MACROD2: variants seen among roughly 807,000 people sequenced by gnomAD.
MACROD2 encodes ADP-ribose glycohydrolase MACROD2.
MACROD2 carries 36 observed loss-of-function variants against 70.4 expected under a neutral mutation model. The ratio of observed to expected loss-of-function variants is 0.51; its 90% CI spans 0.39 to 0.68. The LOEUF is 0.68. Among genes scored for constraint, MACROD2 ranks in the 30% least tolerant of loss-of-function variants. The pLI is 0.00. For synonymous variants in MACROD2, 172 were observed against 178.8 expected (o/e 0.96, Z 0.30); for missense variants, 496 against 538.4 (o/e 0.92, Z 0.78).
chr20:15,675,458 A>G (rs1267580517), intron 8 of MACROD2, among the ~76,000 whole-genome samples: 1 of 152,218 alleles, frequency 6.6e-6, no homozygotes, highest in Non-Finnish European at 1.5e-5. Flanking sequence ...TATCTGTGAC[A>G]CTAGAAAGCC....
At chr20:15,065,348 T>C (rs1446179346) in intron 5 of MACROD2, among the ~76,000 whole-genome samples, 1 of 152,140 alleles carries the variant, frequency 6.6e-6, no homozygotes, top group Non-Finnish European at 1.5e-5. Flanking sequence ...ATGATTTTCT[T>C]TGGTAGTGTT....
chr20:16,033,058 C>T (rs1173169923), intron 15 of MACROD2, among the ~76,000 whole-genome samples: 1 of 151,974 alleles, frequency 6.6e-6, no homozygotes, highest in Non-Finnish European at 1.5e-5. Flanking sequence ...ATTAAAACAG[C>T]CCATTTCCAA....
At chr20:14,574,910 C>T (rs1272102115) in intron 4 of MACROD2, among the ~76,000 whole-genome samples, 1 of 145,464 alleles carries the variant, frequency 6.9e-6, no homozygotes, top group East Asian at 2.0e-4. Context: ...ACTGGGGAGG[C>T]TGAGGCAGGA....
At chr20:14,570,229 T>C (rs1380724614) in intron 4 of MACROD2, among the ~76,000 whole-genome samples, 1 of 151,974 alleles carries the variant, frequency 6.6e-6, no homozygotes, top group East Asian at 1.9e-4. Flanking sequence ...CAATGTTGAG[T>C]GAAAGAAACC....
chr20:15,624,746 T>C (rs2049178313), intron 8 of MACROD2, among the ~76,000 whole-genome samples: 1 of 152,192 alleles, frequency 6.6e-6, no homozygotes, highest in Non-Finnish European at 1.5e-5. Flanking sequence ...TCTCTGGCCC[T>C]TTACAGAAAA....
intron 5 of MACROD2, among the ~76,000 whole-genome samples, chr20:15,132,832 G>A (rs1254354793): frequency 6.6e-6 from 1 of 152,034 alleles, no homozygotes; most frequent in African/African-American, 2.4e-5. Flanking sequence ...ACATCAGGAA[G>A]TTGCAATAAT....
chr20:15,426,973 G>C (rs2046306064), intron 6 of MACROD2, among the ~76,000 whole-genome samples: 1 of 151,888 alleles, frequency 6.6e-6, no homozygotes, highest in Non-Finnish European at 1.5e-5. Context: ...TAGTTTGCTT[G>C]TTCACTTGCT....
intron 5 of MACROD2, among the ~76,000 whole-genome samples, chr20:14,917,895 A>G (rs773198082): frequency 3.9e-5 from 6 of 152,136 alleles, no homozygotes; most frequent in Non-Finnish European, 8.8e-5. Context: ...AGGAGGGAAG[A>G]GAGTAACTGT....
chr20:15,144,848 A>G (rs906392029), intron 5 of MACROD2, among the ~76,000 whole-genome samples: 1 of 152,156 alleles, frequency 6.6e-6, no homozygotes, highest in South Asian at 2.1e-4. Context: ...ATTCTGTTCT[A>G]TAGTACTTAC....
intron 3 of MACROD2, among the ~76,000 whole-genome samples, chr20:14,172,542 T>TGG (rs2148725240): frequency 6.6e-6 from 1 of 152,244 alleles, no homozygotes; most frequent in Admixed American, 6.5e-5. Context: ...TGACCTCAAG[T>TGG]GATCCACCTG....
intron 3 of MACROD2, among the ~76,000 whole-genome samples, chr20:14,365,995 A>G (rs1354585016): frequency 6.6e-6 from 1 of 152,192 alleles, no homozygotes; most frequent in Non-Finnish European, 1.5e-5. Context: ...TTTAAAATTT[A>G]TCATGACTTG....
chr20:14,426,832 A>G (rs553459790), intron 3 of MACROD2, among the ~76,000 whole-genome samples: 67 of 152,236 alleles, frequency 4.4e-4, no homozygotes, highest in African/African-American at 1.6e-3. Context: ...CTCTGTTTTC[A>G]GTGTGTTTTC....
intron 8 of MACROD2, among the ~76,000 whole-genome samples, chr20:15,716,733 C>T (rs908599837): frequency 3.3e-5 from 5 of 152,122 alleles, no homozygotes; most frequent in African/African-American, 4.8e-5. Context: ...AAGCCATCAA[C>T]GGGTTTTCTT....
At chr20:15,600,778 C>T (rs2048808894) in intron 8 of MACROD2, among the ~76,000 whole-genome samples, 2 of 152,068 alleles carry the variant, frequency 1.3e-5, no homozygotes, top group African/African-American at 2.4e-5. Context: ...ATGCTGATAT[C>T]TGCAGAAAAA....
At position 15,815,933 on chromosome 20, in the gene MACROD2, A is replaced by G. The variant is rs192568779; in HGVS notation, c.646-46812A>G. On this transcript the variant is annotated intron_variant, in intron 8 of 17. Coordinates refer to ENST00000684519, the MANE Select transcript of MACROD2 (RefSeq NM_001351661.2). ...ATAATTAGTCAATTGTAACCTGAAT[A>G]TCTGAGGAGTTATTAATGTGTCAAG... 3.6e-3 allele frequency among the ~76,000 whole-genome samples: 551 copies of G among 152,256 alleles called. 6 individuals are homozygous for G. Among genetic ancestry groups the G allele is most frequent in the African/African-American group, 0.013 (522 of 41,554 alleles).
chr20:14,132,697 G>T (rs2054733383), intron 3 of MACROD2, among the ~76,000 whole-genome samples: 1 of 151,734 alleles, frequency 6.6e-6, no homozygotes, highest in Non-Finnish European at 1.5e-5. Context: ...GAGTGCAGTG[G>T]CTCAATCTTA....
intron 3 of MACROD2, among the ~76,000 whole-genome samples, chr20:14,266,575 TA>T (rs888423084): frequency 1.8e-4 from 28 of 152,146 alleles, no homozygotes; most frequent in Non-Finnish European, 3.2e-4. Flanking sequence ...ATCTACTAGA[TA>T]AAAAAATAGC....
At chr20:15,358,947 G>T (rs1296469775) in intron 6 of MACROD2, among the ~76,000 whole-genome samples, 1 of 152,050 alleles carries the variant, frequency 6.6e-6, no homozygotes, top group Non-Finnish European at 1.5e-5. Flanking sequence ...TATGAATTTT[G>T]GGGTGACACA....
chr20:14,805,711 C>T (rs1254199113), intron 5 of MACROD2, among the ~76,000 whole-genome samples: 4 of 152,024 alleles, frequency 2.6e-5, no homozygotes, highest in Non-Finnish European at 5.9e-5. Context: ...GAACAAAGCC[C>T]ACCAGTTTTC....
Sources: allele counts gnomAD v4.1 joint callset (sites outside exome capture counted in the v4.1 genomes callset), GRCh38; gene constraint gnomAD v4.1.1; transcripts MANE v1.5; gene names NCBI Gene and HGNC (gene_info 2026-07-23, HGNC 2026-07-21).